The following GP2 variants were observed in gnomAD, a reference collection of about 807,000 sequenced individuals.
GP2 encodes the protein pancreatic secretory granule membrane major glycoprotein GP2.
In GP2, 58 loss-of-function variants were observed where a neutral mutation model predicts 60.8. The observed-to-expected ratio is 0.95, with a 90% CI of 0.77 to 1.19. The LOEUF (loss-of-function observed/expected upper bound fraction) is 1.19. Ranked by LOEUF, GP2 falls within the 50% of genes most tolerant of loss-of-function variation. GP2 has a pLI of 0.00. For synonymous variants in GP2, 280 were observed against 253.4 expected, an observed-to-expected ratio of 1.10 and a Z score of -1.00; for missense variants, 647 against 667.4, an observed-to-expected ratio of 0.97 and a Z score of 0.34.
chr16:20,313,044 A>G (rs911477886), intron 10 of GP2, among the ~76,000 whole-genome samples: 6 of 152,094 alleles, frequency 3.9e-5, no homozygotes, highest in Admixed American at 6.5e-5. Context: ...TAGAGAGTCC[A>G]TCTTGGACTT....
Position 20,323,800 on chromosome 16 carries a change from G to T in GP2, c.535+16C>A. On this transcript the variant is annotated intron_variant, in intron 3 of 10. Transcript: ENST00000302555. Reference sequence around the variant, plus strand: ...ATTGGCTGTGTAGCTGCCTCCTCCAGGGCTCTGCTGCTCACCTGTGCAGTA... The same window carrying T: ...ATTGGCTGTGTAGCTGCCTCCTCCATGGCTCTGCTGCTCACCTGTGCAGTA... 1 of 1,566,672 alleles carries T rather than the reference G, an allele frequency of 6.4e-7. No individual in the cohort carries two copies. The highest frequency in any genetic ancestry group is 1.2e-5 in the South Asian group (1 of 84,728).
chr16:20,324,039 C>G lies in GP2; in HGVS notation c.312G>C (p.Ser104=). 6.2e-7 allele frequency: 1 copy of G among 1,613,898 alleles called. No homozygotes were observed. Among genetic ancestry groups the G allele is most frequent in the South Asian group, 1.1e-5 (1 of 91,078 alleles). Residue 104 remains serine, a synonymous_variant, in exon 3 of 11, where the codon TCG becomes TCC. Transcript: ENST00000302555. The stretch of plus-strand genomic sequence containing the variant: ...ATCGGTGCACCTGGACACAGGTCTC[C>G]GACATCCTTACTCCTCCTTCCCCTA... ...RFVGEGGVRM[S]ETCVQVHRCQ...
chr16:20,325,708 A>T (rs2141612902), intron 2 of GP2, among the ~76,000 whole-genome samples: 1 of 152,298 alleles, frequency 6.6e-6, no homozygotes, highest in East Asian at 1.9e-4. Context: ...GGGCTTTCTA[A>T]AAAAAAGAGA....
In GP2 at chr16:20,319,727, C is replaced by A; in HGVS notation, c.900G>T (p.Leu300Phe). Residue 300 changes from leucine (L) to phenylalanine (F), a missense_variant, in exon 6 of 11, where the codon TTG becomes TTT. Leu to Phe is a conservative substitution (Grantham distance 22). Coordinates refer to ENST00000302555, the MANE Select transcript of GP2 (RefSeq NM_001502.4). The part of the protein sequence containing the change: ...THAIYKNTLS[L>F]VNDFIIRDTI... ...TGTCTCTGATGATGAAATCATTGAC[C>A]AAGGAGAGGGTGTTTTTGTAGATGG... 1.9e-6 allele frequency: 3 copies of A among 1,611,596 alleles called. No individual in the cohort carries two copies. The highest frequency in any genetic ancestry group is 1.1e-5 in the South Asian group (1 of 91,008).
At chr16:20,314,205 C>T (rs1006239735) in intron 10 of GP2, among the ~76,000 whole-genome samples, 4 of 147,452 alleles carry the variant, frequency 2.7e-5, no homozygotes, top group Admixed American at 6.9e-5. Flanking sequence ...CAAACCTGCA[C>T]GTTCTGCTCA....
chr16:20,314,617 G>T (rs1386134606), intron 10 of GP2, 40 bp downstream of exon 10: 12 of 1,395,210 alleles, frequency 8.6e-6, no homozygotes, highest in Admixed American at 1.7e-5. Flanking sequence ...AGAAAGGAGA[G>T]TTGGGAAAGC....
chr16:20,320,418 C>A lies in GP2; in HGVS notation c.702G>T (p.Lys234Asn). ...GGCCTCCCAGCAAACATTTGTCCAC[C>A]TTCACCTTGATCTCCCTGGGCCCAC... ...LDCGPREIKV[K>N]VDKCLLGGLG... is the part of the protein sequence containing the mutation. The change falls in exon 5 of 11, where the codon AAG becomes AAT. Residue 234 changes from lysine to asparagine, a missense_variant. Physicochemically the swap from Lys to Asn is moderately conservative, Grantham distance 94. Coordinates refer to ENST00000302555, the MANE Select transcript of GP2 (RefSeq NM_001502.4). 6.2e-7 allele frequency: 1 copy of A among 1,614,110 alleles called. No individual in the cohort carries two copies. Among genetic ancestry groups the A allele is most frequent in the Non-Finnish European group, 8.5e-7 (1 of 1,179,942 alleles).
intron 10 of GP2, 106 bp downstream of exon 10, chr16:20,314,551 T>G: frequency 1.2e-6 from 1 of 825,896 alleles, no homozygotes; most frequent in East Asian, 2.4e-5. Context: ...TAGGTCTGAT[T>G]AATGTCAGTG....
At position 20,315,939 on chromosome 16, in the gene GP2, G is replaced by A; in HGVS notation, c.1501+17C>T. On this transcript the variant is annotated intron_variant, in intron 9 of 10. Coordinates refer to ENST00000302555, the MANE Select transcript of GP2 (RefSeq NM_001502.4). ...CACTCAGCCAGCTGGTCTTGTCACT[G>A]GGATTTGGCCACTTACCTCTCCGAG... The A allele has an allele frequency of 1.3e-6, 2 of 1,547,768 alleles. No homozygotes were observed. The highest frequency in any genetic ancestry group is 2.7e-5 in the African/African-American group (2 of 73,620).
Position 20,319,920 on chromosome 16 carries a change from G to C in GP2, c.859-152C>G, listed in dbSNP as rs77106366. 2,709 of 691,490 alleles carry C rather than the reference G, an allele frequency of 3.9e-3. 56 individuals carry two copies. The highest frequency in any genetic ancestry group is 0.034 in the Admixed American group (1,444 of 42,296). The allele number at this position is 691,490 out of a possible 1,614,324, so 42.8% of individuals were successfully genotyped here. ...GGAGGTCAAGGGACCTCTTCCTTCA[G>C]TGTTACTGACACTTTATGGGAAGGC... On this transcript the variant is annotated intron_variant, in intron 5 of 10. Coordinates refer to ENST00000302555, the MANE Select transcript of GP2 (RefSeq NM_001502.4).
At position 20,310,753 on chromosome 16, in the gene GP2, CTTT is replaced by C. The variant is rs10653884; in HGVS notation, c.*467_*469del. 5.4e-5 allele frequency: 7 copies of C among 128,942 alleles called. No individual in the cohort carries two copies. Among genetic ancestry groups the C allele is most frequent in the Non-Finnish European group, 8.0e-5 (5 of 62,284 alleles). 8.0% of individuals were successfully genotyped at this position (128,942 alleles called of 1,614,324 possible). A position where few individuals can be genotyped will look rare whatever the true frequency, so the allele number is the denominator to read the frequency against. On this transcript the variant is annotated 3_prime_UTR_variant, in exon 11 of 11. Transcript: ENST00000302555. The stretch of plus-strand genomic sequence containing the variant: ...ACAGAAACCCCACTATGTTGCTTTT[CTTT>C]TTTTTTTTTTTTTTTCCTGAGACAG...
chr16:20,314,828 T>G, intron 9 of GP2, 127 bp from the exon 10 acceptor site: 1 of 741,516 alleles, frequency 1.3e-6, no homozygotes, highest in Non-Finnish European at 2.5e-6. Context: ...TGTGGCCACA[T>G]TGTGGGGGCA....
rs1417536992 is a variant in GP2, at chr16:20,323,913, A to G, written c.438T>C (p.Cys146=). The change falls in exon 3 of 11, where the codon TGT becomes TGC. Residue 146 remains cysteine (C), a synonymous_variant. Coordinates refer to ENST00000302555, the MANE Select transcript of GP2 (RefSeq NM_001502.4). ...TACAHWSGNC[C]FWKTEVLVKA... is the part of the protein sequence containing the mutation. ...TCACCAGCACCTCTGTTTTCCAGAA[A>G]CAGCAGTTGCCACTCCAATGGGCAC... 85 of 1,613,980 alleles carry G rather than the reference A, an allele frequency of 5.3e-5. No individual in the cohort carries two copies. Among genetic ancestry groups the G allele is most frequent in the Non-Finnish European group, 6.9e-5 (82 of 1,179,970 alleles).
chr16:20,314,575 G>A (rs375050930), intron 10 of GP2, 82 bp downstream of exon 10: 1 of 940,428 alleles, frequency 1.1e-6, no homozygotes, highest in South Asian at 1.3e-5. Context: ...CTAGCATAGG[G>A]TCTGGGCCAT....
Position 20,326,375 on chromosome 16 carries a change from G to T in GP2, c.57C>A (p.Val19=), listed in dbSNP as rs771306114. ...CAGATGCCTGGGTCAGAATGCAGGA[G>T]ACCAAGGCCAGCCACAGGAGGCCAG... ...VGSGLLWLAL[V]SCILTQASAV... The change falls in exon 2 of 11, where the codon GTC becomes GTA. Residue 19 remains valine, a synonymous_variant. Coordinates refer to ENST00000302555, the MANE Select transcript of GP2 (RefSeq NM_001502.4). The T allele has an allele frequency of 1.2e-6, 2 of 1,613,882 alleles. No individual in the cohort carries two copies. Among genetic ancestry groups the T allele is most frequent in the Non-Finnish European group, 1.7e-6 (2 of 1,179,782 alleles).
Position 20,317,273 on chromosome 16 carries a change from G to T in GP2, c.1356C>A (p.Asp452Glu), listed in dbSNP as rs764684101. ...VQMFMFAGHYDLVFLHCEIHL... is the reference protein window; with the variant it reads ...VQMFMFAGHYELVFLHCEIHL... ...GAATCTCACAATGCAGGAAAACTAG[G>T]TCATAATGTCCAGCAAACATGAACA... The change falls in exon 8 of 11, where the codon GAC becomes GAA. Residue 452 changes from aspartate to glutamate, a missense_variant. Physicochemically the swap from Asp to Glu is conservative, Grantham distance 45 (BLOSUM62 2). Coordinates refer to ENST00000302555, the MANE Select transcript of GP2 (RefSeq NM_001502.4). The T allele has an allele frequency of 6.2e-7, 1 of 1,612,914 alleles. No homozygotes were observed. Among genetic ancestry groups the T allele is most frequent in the Non-Finnish European group, 8.5e-7 (1 of 1,178,940 alleles).
In GP2 at chr16:20,322,946, G is replaced by T; in HGVS notation, c.569C>A (p.Ala190Asp). 6.2e-7 allele frequency: 1 copy of T among 1,612,132 alleles called. No homozygotes were observed. Among genetic ancestry groups the T allele is most frequent in the Non-Finnish European group, 8.5e-7 (1 of 1,178,286 alleles). Residue 190 changes from alanine to aspartate, a missense_variant, in exon 4 of 11, where the codon GCC (alanine) becomes GAC (aspartate). Physicochemically the swap from Ala to Asp is moderately radical, Grantham distance 126. Coordinates refer to ENST00000302555, the MANE Select transcript of GP2 (RefSeq NM_001502.4). ...PSTVEDKCEK[A>D]CRPEEECLAL... ...AAGGCACTCCTCCTCGGGGCGGCAG[G>T]CCTTCTCACACTTGTCCTCCACAGT...
chr16:20,318,937 G>A (rs1596522963), intron 6 of GP2, among the ~76,000 whole-genome samples: 1 of 152,240 alleles, frequency 6.6e-6, no homozygotes, highest in South Asian at 2.1e-4. Context: ...GAGCAATAGG[G>A]AATGAGACGG....
rs10653884 is a variant in GP2, at chr16:20,310,753, CTT to C, written c.*468_*469del. ...ACAGAAACCCCACTATGTTGCTTTTCTTTTTTTTTTTTTTTTTTCCTGAGACA... is the reference window on the plus strand; with the variant it reads ...ACAGAAACCCCACTATGTTGCTTTTCTTTTTTTTTTTTTTTTCCTGAGACA... On this transcript the variant is annotated 3_prime_UTR_variant, in exon 11 of 11. Transcript: ENST00000302555. The C allele has an allele frequency of 5.0e-3, 641 of 128,916 alleles. 8 individuals carry two copies. Among genetic ancestry groups the C allele is most frequent in the African/African-American group, 0.018 (616 of 34,708 alleles). 8.0% of individuals were successfully genotyped at this position (128,916 alleles called of 1,614,324 possible). A position where few individuals can be genotyped will look rare whatever the true frequency, so the allele number is the denominator to read the frequency against.
Sources: gnomAD v4.1 joint callset for allele counts (sites outside exome capture counted in the v4.1 genomes callset) on GRCh38, gnomAD v4.1.1 for gene constraint, MANE v1.5 for transcripts, NCBI Gene and HGNC (gene_info 2026-07-23, HGNC 2026-07-21) for gene names.